DOCK10: variants seen among roughly 807,000 people sequenced by gnomAD.
DOCK10 encodes dedicator of cytokinesis 10.
Under a neutral mutation model 280.1 loss-of-function variants are expected in DOCK10, and 145 were observed. The observed-to-expected ratio is 0.52, with a 90% CI of 0.45 to 0.59. The LOEUF (loss-of-function observed/expected upper bound fraction) is 0.59, where lower values mean the gene tolerates loss of function less well. DOCK10 is among the 20% of genes least tolerant of loss of function. The pLI is 0.00. For synonymous variants in DOCK10, 915 were observed against 942.2 expected, an observed-to-expected ratio of 0.97 and a Z score of 0.53; for missense variants, 2,368 against 2,651.7, an observed-to-expected ratio of 0.89 and a Z score of 2.35.
intron 1 of DOCK10, among the ~76,000 whole-genome samples, chr2:224,964,324 C>T (rs1473275127): frequency 1.3e-5 from 2 of 152,054 alleles, no homozygotes; most frequent in Admixed American, 1.3e-4. Context: ...ATAGCTTGAT[C>T]TTAAAATAAC....
chr2:224,933,485 C>T (rs1380643222), intron 1 of DOCK10, among the ~76,000 whole-genome samples: 19 of 152,160 alleles, frequency 1.2e-4, no homozygotes, highest in Admixed American at 1.2e-3. Context: ...TTTTATATTA[C>T]CAACTGCCCC....
At chr2:224,799,378 A>C (rs1374693644) in intron 41 of DOCK10, among the ~76,000 whole-genome samples, 1 of 152,250 alleles carries the variant, frequency 6.6e-6, no homozygotes, top group African/African-American at 2.4e-5. Flanking sequence ...TATTGTATGG[A>C]TATACCACAG....
chr2:224,926,867 T>C (rs958709328), intron 2 of DOCK10, among the ~76,000 whole-genome samples: 3 of 152,254 alleles, frequency 2.0e-5, no homozygotes, highest in Non-Finnish European at 4.4e-5. Flanking sequence ...ATTTTCCATC[T>C]GCTTTGTGCC....
chr2:224,937,001 C>A (rs113593440), intron 1 of DOCK10, among the ~76,000 whole-genome samples: 197 of 152,226 alleles, frequency 1.3e-3, no homozygotes, highest in Non-Finnish European at 2.3e-3. Flanking sequence ...ATACACAAAA[C>A]CCTGGGGAAA....
At position 225,042,274 on chromosome 2, in the gene DOCK10, A is replaced by G; in HGVS notation, c.101T>C (p.Val34Ala). ...CACCCGCTGCTGCTGCCGGCTGCTG[A>G]CTGCCACCGCGGCGGCGGACGCGGC... ...HSAASAAAVA[V>A]SSRQQQRQEK... The change falls in exon 1 of 56, where the codon GTC becomes GCC. Residue 34 changes from valine to alanine, a missense_variant. Coordinates refer to ENST00000258390, the MANE Select transcript of DOCK10 (RefSeq NM_014689.3). This position sits in a 1 kb window ranked among gnomAD's most constrained non-coding sequence, Gnocchi z 5.1. 1 of 1,331,998 alleles carries G rather than the reference A, an allele frequency of 7.5e-7. No homozygotes were observed. Among genetic ancestry groups the G allele is most frequent in the Non-Finnish European group, 9.6e-7 (1 of 1,040,294 alleles). 82.5% of individuals were successfully genotyped at this position (1,331,998 alleles called of 1,614,324 possible). A position where few individuals can be genotyped will look rare whatever the true frequency, so the allele number is the denominator to read the frequency against.
chr2:225,041,563 A>G (rs1347252024), intron 1 of DOCK10, among the ~76,000 whole-genome samples: 1 of 152,180 alleles, frequency 6.6e-6, no homozygotes, highest in Non-Finnish European at 1.5e-5. Flanking sequence ...CCAGTAAAGC[A>G]TTGCTGGTGG....
intron 29 of DOCK10, among the ~76,000 whole-genome samples, chr2:224,818,619 C>G (rs1330697826): frequency 6.6e-6 from 1 of 152,022 alleles, no homozygotes; most frequent in Admixed American, 6.6e-5. Flanking sequence ...AGGATGGTCT[C>G]GATTTCCTGA....
chr2:224,914,555 G>T (rs999845719), intron 3 of DOCK10, among the ~76,000 whole-genome samples: 1 of 152,110 alleles, frequency 6.6e-6, no homozygotes, highest in African/African-American at 2.4e-5. Flanking sequence ...GTATTAATAG[G>T]ACGCATATGC....
At chr2:224,865,118 G>A (rs770641100) in intron 11 of DOCK10, 31 bp from the exon 12 acceptor site, 2 of 1,597,358 alleles carry the variant, frequency 1.3e-6, no homozygotes, top group Admixed American at 3.4e-5. Flanking sequence ...AGATGTTTTT[G>A]ATATAAAATC....
chr2:224,768,523 G>A (rs1025098193), intron 55 of DOCK10, among the ~76,000 whole-genome samples: 2 of 152,186 alleles, frequency 1.3e-5, no homozygotes, highest in African/African-American at 4.8e-5. Context: ...CTGGAAAAGA[G>A]ATGATTTTTC....
chr2:224,946,891 T>C, intron 1 of DOCK10: 1 of 1,547,316 alleles, frequency 6.5e-7, no homozygotes, highest in Middle Eastern at 1.7e-4. Context: ...CTCCTCACAG[T>C]TCGTCTCTTC....
At chr2:225,039,565 C>G (rs413028) in intron 1 of DOCK10, among the ~76,000 whole-genome samples, 59,756 of 152,052 alleles carry the variant, frequency 0.39, 14,469 homozygotes, top group East Asian at 0.57. Flanking sequence ...TTTGCTTTGG[C>G]ATACACCTGT....
chr2:224,999,711 T>TG (rs1238714339), intron 1 of DOCK10, among the ~76,000 whole-genome samples: 1 of 88,846 alleles, frequency 1.1e-5, no homozygotes, highest in Non-Finnish European at 2.4e-5. Context: ...ACTATAATGG[T>TG]GTTTTTTTTT....
At chr2:224,885,291 C>T (rs1008586570) in intron 7 of DOCK10, among the ~76,000 whole-genome samples, 15 of 152,324 alleles carry the variant, frequency 9.8e-5, no homozygotes, top group African/African-American at 2.9e-4. Context: ...TGAGCCCCTG[C>T]GCCTGGCCCT....
Position 224,778,297 on chromosome 2 carries a change from A to G in DOCK10, c.5656-13T>C. 1 of 1,591,598 alleles carries G rather than the reference A, an allele frequency of 6.3e-7. No homozygotes were observed. Among genetic ancestry groups the G allele is most frequent in the Non-Finnish European group, 8.6e-7 (1 of 1,167,372 alleles). On this transcript the variant is annotated splice_polypyrimidine_tract_variant and intron_variant, in intron 50 of 55. Coordinates refer to ENST00000258390, the MANE Select transcript of DOCK10 (RefSeq NM_014689.3). ...CTTCAAAAAAGCCCTATGGAACATA[A>G]TGAACCACCAATTTTATTAGACAAT...
At chr2:224,845,077 G>A in intron 21 of DOCK10, 126 bp downstream of exon 21, 3 of 1,039,104 alleles carry the variant, frequency 2.9e-6, no homozygotes, top group Non-Finnish European at 4.2e-6. Context: ...TGTGGCATAG[G>A]TACACTTGAT....
intron 24 of DOCK10, among the ~76,000 whole-genome samples, chr2:224,838,909 T>TA (rs1157904695): frequency 2.6e-5 from 4 of 151,958 alleles, no homozygotes; most frequent in South Asian, 2.1e-4. Flanking sequence ...ATTTAATACT[T>TA]AAAAAAAAGG....
At chr2:224,974,789 C>G (rs1705305325) in intron 1 of DOCK10, among the ~76,000 whole-genome samples, 1 of 70,576 alleles carries the variant, frequency 1.4e-5, no homozygotes, top group Non-Finnish European at 4.7e-5. Flanking sequence ...ATAATGTTCT[C>G]TCTATATATA....
At chr2:224,870,815 ATTTTTTTTT>A (rs71410336) in intron 11 of DOCK10, among the ~76,000 whole-genome samples, 11 of 52,610 alleles carry the variant, frequency 2.1e-4, no homozygotes, top group African/African-American at 9.3e-4. Context: ...TGGCCACTCC[ATTTTTTTTT>A]TTTTTTTTTT....
Sources: gnomAD v4.1 joint callset for allele counts (sites outside exome capture counted in the v4.1 genomes callset) on GRCh38, gnomAD v4.1.1 for gene constraint, Gnocchi (gnomAD v3.1) non-coding constraint, MANE v1.5 for transcripts, NCBI Gene and HGNC (gene_info 2026-07-23, HGNC 2026-07-21) for gene names.